The following JAM3 variants were observed in gnomAD, a reference collection of about 807,000 sequenced individuals.
JAM3 encodes junctional adhesion molecule C.
In JAM3, 31 loss-of-function variants were observed where a neutral mutation model predicts 39.4. That is an observed-to-expected ratio of 0.79 (90% CI 0.59 to 1.06). The LOEUF (loss-of-function observed/expected upper bound fraction) is 1.06, where lower values mean the gene tolerates loss of function less well. JAM3 is among the 50% of genes least tolerant of loss of function. The pLI is 0.00. For missense variants in JAM3, 455 were observed against 391.4 expected (o/e 1.16, Z -1.37); for synonymous variants, 182 against 148.7 (o/e 1.22, Z -1.63).
intron 1 of JAM3, among the ~76,000 whole-genome samples, chr11:134,133,443 C>T (rs1051769035): frequency 6.6e-6 from 1 of 152,176 alleles, no homozygotes; most frequent in East Asian, 1.9e-4. Context: ...TCATATATGA[C>T]CTTTATCATC....
chr11:134,093,721 G>A (rs1409287548), intron 1 of JAM3, among the ~76,000 whole-genome samples: 3 of 107,598 alleles, frequency 2.8e-5, no homozygotes, highest in Non-Finnish European at 3.8e-5. Flanking sequence ...CCTGAGGGAA[G>A]CTTCTCCTGA....
intron 6 of JAM3, among the ~76,000 whole-genome samples, chr11:134,146,589 A>G (rs1269589338): frequency 6.6e-6 from 1 of 151,966 alleles, no homozygotes; most frequent in African/African-American, 2.4e-5. Flanking sequence ...AAAAAACACC[A>G]CAGGGTCTTG....
At chr11:134,112,773 C>G (rs1942341888) in intron 1 of JAM3, among the ~76,000 whole-genome samples, 3 of 152,176 alleles carry the variant, frequency 2.0e-5, no homozygotes, top group Admixed American at 2.0e-4. Flanking sequence ...CATGCTCTTA[C>G]TCGTTTTGCC....
chr11:134,106,878 TTGG>T (rs1439571071), intron 1 of JAM3, among the ~76,000 whole-genome samples: 55 of 152,312 alleles, frequency 3.6e-4, no homozygotes, highest in Admixed American at 9.8e-4. Flanking sequence ...TTTTACACTG[TTGG>T]TGGGACTGTA....
intron 1 of JAM3, among the ~76,000 whole-genome samples, chr11:134,116,550 CGTT>C (rs1486679481): frequency 1.3e-5 from 2 of 152,002 alleles, no homozygotes; most frequent in African/African-American, 2.4e-5. Context: ...GATTTTTTGT[CGTT>C]GTTTGTTTTT....
intron 1 of JAM3, among the ~76,000 whole-genome samples, chr11:134,131,847 G>A (rs1421522294): frequency 6.6e-6 from 1 of 152,088 alleles, no homozygotes; most frequent in African/African-American, 2.4e-5. Context: ...GCAGATAGAA[G>A]AAAGAACTAG....
chr11:134,125,657 C>G (rs1942634468), intron 1 of JAM3, among the ~76,000 whole-genome samples: 1 of 152,154 alleles, frequency 6.6e-6, no homozygotes. Flanking sequence ...GAAGCTGAAT[C>G]GGTGTTGAGA....
chr11:134,120,445 ACTT>A (rs1457476923), intron 1 of JAM3, among the ~76,000 whole-genome samples: 1 of 152,204 alleles, frequency 6.6e-6, no homozygotes, highest in South Asian at 2.1e-4. Context: ...TTCTAAAAGA[ACTT>A]CTTTTCCTTC....
At chr11:134,135,795 G>A (rs555330851) in intron 1 of JAM3, among the ~76,000 whole-genome samples, 29 of 152,210 alleles carry the variant, frequency 1.9e-4, no homozygotes, top group Admixed American at 1.1e-3. Flanking sequence ...ATGGCCAGGC[G>A]CGGTGGCCCA....
chr11:134,126,790 G>A (rs997323835), intron 1 of JAM3, among the ~76,000 whole-genome samples: 16 of 152,196 alleles, frequency 1.1e-4, no homozygotes, highest in Non-Finnish European at 2.1e-4. Flanking sequence ...ACTGTCTTCT[G>A]TCTAAACTCT....
intron 6 of JAM3, among the ~76,000 whole-genome samples, chr11:134,147,503 T>C (rs1174553485): frequency 6.0e-5 from 9 of 151,010 alleles, no homozygotes; most frequent in Non-Finnish European, 1.5e-5. Flanking sequence ...CTTTTTGTTT[T>C]TGAGATGGAG....
chr11:134,092,245 C>T (rs552312348), intron 1 of JAM3, among the ~76,000 whole-genome samples: 40 of 152,294 alleles, frequency 2.6e-4, no homozygotes, highest in East Asian at 1.9e-3. Context: ...GTGTGTGATG[C>T]GCTCTGCAGC....
At position 134,118,151 on chromosome 11, in the gene JAM3, A is replaced by C. The variant is rs564679292; in HGVS notation, c.77-21700A>C. Among the ~76,000 whole-genome samples the C allele has an allele frequency of 3.9e-5, 6 of 152,326 alleles. No individual in the cohort carries two copies. In the East Asian group the frequency reaches 1.2e-3, roughly 29 times the overall value. On this transcript the variant is annotated intron_variant, in intron 1 of 8. Transcript: ENST00000299106. ...CAAATGAGTTATTTTACTGAACAAGAATATGCCTTGACACATGTTCTGTGT... is the reference window on the plus strand; with the variant it reads ...CAAATGAGTTATTTTACTGAACAAGCATATGCCTTGACACATGTTCTGTGT...
intron 1 of JAM3, among the ~76,000 whole-genome samples, chr11:134,116,477 A>G (rs1942436084): frequency 6.6e-6 from 1 of 152,172 alleles, no homozygotes; most frequent in Non-Finnish European, 1.5e-5. Flanking sequence ...ATCCAATAGT[A>G]TCATAATTTT....
intron 1 of JAM3, among the ~76,000 whole-genome samples, chr11:134,128,892 C>T (rs991664107): frequency 8.6e-5 from 13 of 152,042 alleles, no homozygotes; most frequent in African/African-American, 3.1e-4. Flanking sequence ...TTTCCATTCC[C>T]CTCTGTATTA....
chr11:134,142,945 CGGCTG>C (rs1565504902), intron 3 of JAM3, among the ~76,000 whole-genome samples: 1 of 152,176 alleles, frequency 6.6e-6, no homozygotes, highest in African/African-American at 2.4e-5. Context: ...TTTCTTTTCA[CGGCTG>C]AATAATGTTC....
chr11:134,146,006 G>C lies in JAM3; in HGVS notation c.673G>C (p.Ala225Pro). 1 of 1,614,082 alleles carries C rather than the reference G, an allele frequency of 6.2e-7. No homozygotes were observed. The highest frequency in any genetic ancestry group is 1.1e-5 in the South Asian group (1 of 91,078). Residue 225 changes from alanine to proline, a missense_variant, in exon 6 of 9, where the codon GCA becomes CCA. Ala to Pro is a conservative substitution (Grantham distance 27). Transcript: ENST00000299106. ...GTACTACTGCATTGCTTCCAATGAC[G>C]CAGGCTCAGCCAGGTGTGAGGAGCA... ...GQYYCIASND[A>P]GSARCEEQEM... is the part of the protein sequence containing the mutation.
At chr11:134,146,139 C>T (rs1278495808) in intron 6 of JAM3, 94 bp downstream of exon 6, 1 of 886,144 alleles carries the variant, frequency 1.1e-6, no homozygotes, top group East Asian at 2.6e-5. Flanking sequence ...GAGAACTCTT[C>T]CGCCATGGGT....
intron 5 of JAM3, 177 bp downstream of exon 5, chr11:134,145,171 A>G (rs553626632): frequency 4.6e-6 from 3 of 648,286 alleles, no homozygotes; most frequent in Middle Eastern, 3.0e-4. Flanking sequence ...AAACAAGTAC[A>G]TTCTTAGGGG....
Sources: allele counts gnomAD v4.1 joint callset (sites outside exome capture counted in the v4.1 genomes callset), GRCh38; gene constraint gnomAD v4.1.1; transcripts MANE v1.5; gene names NCBI Gene and HGNC (gene_info 2026-07-23, HGNC 2026-07-21).